The following TNPO2 variants were observed in gnomAD, a reference collection of about 807,000 sequenced individuals.
The protein encoded by TNPO2 is transportin-2.
A neutral mutation model predicts 111.1 loss-of-function variants in TNPO2; 16 were observed. That is an observed-to-expected ratio of 0.14 (90% CI 0.10 to 0.22). The LOEUF (loss-of-function observed/expected upper bound fraction) is 0.22, where lower values mean the gene tolerates loss of function less well. TNPO2 is among the 10% of genes least tolerant of loss of function. The pLI is 1.00. For missense variants in TNPO2, 530 were observed against 1,173.7 expected (o/e 0.45, Z 8.01); for synonymous variants, 481 against 475.8 (o/e 1.01, Z -0.14).
At chr19:12,711,677 G>T in intron 10 of TNPO2, 64 bp from the exon 11 acceptor site, 2 of 1,458,490 alleles carry the variant, frequency 1.4e-6, no homozygotes, top group Non-Finnish European at 9.5e-7. Flanking sequence ...GGGAGGCACA[G>T]CTTGGGGAGG....
intron 5 of TNPO2, 54 bp downstream of exon 5, chr19:12,718,975 G>A: frequency 6.2e-7 from 1 of 1,601,980 alleles, no homozygotes; most frequent in East Asian, 2.2e-5. Flanking sequence ...TTAACATGCT[G>A]AGAAGTGAGA....
At chr19:12,704,778 G>A (rs2025539220) in intron 18 of TNPO2, among the ~76,000 whole-genome samples, 1 of 151,900 alleles carries the variant, frequency 6.6e-6, no homozygotes, top group African/African-American at 2.4e-5. Flanking sequence ...TGCCTCCTGG[G>A]TTCAAGCAAT....
chr19:12,719,316 CTGAT>C lies in TNPO2; in HGVS notation c.116_119del (p.Asn39SerfsTer9), dbSNP rs1433778426. 1 of 1,613,812 alleles carries C rather than the reference CTGAT, an allele frequency of 6.2e-7. No individual in the cohort carries two copies. The highest frequency in any genetic ancestry group is 8.5e-7 in the Non-Finnish European group (1 of 1,179,856). ...TCAGGTAGTTGTTGAAGTCAGGAAA[CTGAT>C]TGAGTTGTTTGAGTTTCTGCCAGGC... On this transcript the variant is annotated frameshift_variant, in exon 4 of 26. Transcript: ENST00000425528. LOFTEE classifies it high-confidence loss of function. The surrounding 1 kb of genome is among the most constrained non-coding windows in gnomAD (Gnocchi z 5.0).
At position 12,712,672 on chromosome 19, in the gene TNPO2, G is replaced by C. The variant is rs7255961; in HGVS notation, c.891-1059C>G. Reference sequence around the variant, plus strand: ...CCTGTCCAGTGGACACGTGACCCATGTGACCTTACCTATCATTGGAGGTGA... The same window carrying C: ...CCTGTCCAGTGGACACGTGACCCATCTGACCTTACCTATCATTGGAGGTGA... On this transcript the variant is annotated intron_variant, in intron 10 of 25. Transcript: ENST00000425528. 7.2e-3 allele frequency among the ~76,000 whole-genome samples: 1,102 copies of C among 152,316 alleles called. 14 individuals carry two copies. The highest frequency in any genetic ancestry group is 0.025 in the African/African-American group (1,049 of 41,558).
chr19:12,708,372 T>G (rs2025826098), intron 13 of TNPO2, among the ~76,000 whole-genome samples: 1 of 151,620 alleles, frequency 6.6e-6, no homozygotes, highest in East Asian at 1.9e-4. Flanking sequence ...CATCAGGTGA[T>G]CCACCCGCCT....
At chr19:12,717,572 T>C (rs562875939) in intron 5 of TNPO2, among the ~76,000 whole-genome samples, 2 of 151,440 alleles carry the variant, frequency 1.3e-5, no homozygotes, top group South Asian at 4.2e-4. Flanking sequence ...GTGCTCAGCC[T>C]GGATCAGTAA....
rs764315328 is a variant in TNPO2 at position 12,711,500 on chromosome 19, C to T, written c.952-39G>A. 2.5e-6 allele frequency: 4 copies of T among 1,613,776 alleles called. No individual in the cohort carries two copies. The African/African-American group carries it at 4.0e-5, about 16-fold the overall frequency. Reference sequence around the variant, plus strand: ...AGACTGTTAAGTACTTTGGGGACCACAGCCGCGACACCCACGCCCATGCCC... The same window carrying T: ...AGACTGTTAAGTACTTTGGGGACCATAGCCGCGACACCCACGCCCATGCCC... On this transcript the variant is annotated intron_variant, in intron 11 of 25. Transcript: ENST00000425528.
chr19:12,710,795 G>A (rs1156433597), intron 12 of TNPO2, 22 bp from the exon 13 acceptor site: 7 of 1,595,404 alleles, frequency 4.4e-6, no homozygotes, highest in Non-Finnish European at 6.0e-6. Flanking sequence ...GGAACAATGG[G>A]GAGGCTCAGG....
rs561481906 is a variant in TNPO2, at chr19:12,723,814, C to A, written c.-176G>T. On this transcript the variant is annotated 5_prime_UTR_variant, in exon 1 of 26. Coordinates refer to ENST00000425528, the MANE Select transcript of TNPO2 (RefSeq NM_001382241.1). The stretch of plus-strand genomic sequence containing the variant: ...CCCGGCTCCGTTCATTCATGAAAAT[C>A]AAGTCCCGGGCCTCCAAGGTTAGGG... 2.4e-4 allele frequency: 37 copies of A among 152,342 alleles called. No homozygotes were observed. Among genetic ancestry groups the A allele is most frequent in the African/African-American group, 8.9e-4 (37 of 41,578 alleles). The allele number at this position is 152,342 out of a possible 1,614,324, so 9.4% of individuals were successfully genotyped here.
chr19:12,719,214 G>C lies in TNPO2; in HGVS notation c.176-36C>G, dbSNP rs1568339521. The C allele has an allele frequency of 6.2e-7, 1 of 1,613,872 alleles. No individual in the cohort carries two copies. Among genetic ancestry groups the C allele is most frequent in the Non-Finnish European group, 8.5e-7 (1 of 1,179,758 alleles). On this transcript the variant is annotated intron_variant, in intron 4 of 25. Coordinates refer to ENST00000425528, the MANE Select transcript of TNPO2 (RefSeq NM_001382241.1). This position sits in a 1 kb window ranked among gnomAD's most constrained non-coding sequence, Gnocchi z 5.0. ...GAAGGCTGAGGTTCAGGGGCCCAGG[G>C]GGAGAAAGCAGGGTCCCGATCGCAT...
Position 12,702,717 on chromosome 19 carries a change from C to G in TNPO2, c.2305+106G>C. 1 of 1,021,670 alleles carries G rather than the reference C, an allele frequency of 9.8e-7. No individual in the cohort carries two copies. Among genetic ancestry groups the G allele is most frequent in the Non-Finnish European group, 1.5e-6 (1 of 664,104 alleles). The allele number at this position is 1,021,670 out of a possible 1,614,324, so 63.3% of individuals were successfully genotyped here. On this transcript the variant is annotated intron_variant, in intron 21 of 25. Transcript: ENST00000425528. The surrounding 1 kb of genome is among the most constrained non-coding windows in gnomAD (Gnocchi z 5.5). Reference sequence around the variant, plus strand: ...ACCCCTTCCAGGTACTTCCAGACACCCTCCTTGGTTCCTTGACAAGGCTCT... The same window carrying G: ...ACCCCTTCCAGGTACTTCCAGACACGCTCCTTGGTTCCTTGACAAGGCTCT...
chr19:12,701,042 C>A lies in TNPO2; in HGVS notation c.*222G>T, dbSNP rs1196677819. On this transcript the variant is annotated 3_prime_UTR_variant, in exon 26 of 26. Coordinates refer to ENST00000425528, the MANE Select transcript of TNPO2 (RefSeq NM_001382241.1). The surrounding 1 kb of genome is among the most constrained non-coding windows in gnomAD (Gnocchi z 5.0). Reference sequence around the variant, plus strand: ...GCCCACCAGAAGTCCCCCCCACCTCCCCGTTTGTAGGATGAGCATGGTGGC... The same window carrying A: ...GCCCACCAGAAGTCCCCCCCACCTCACCGTTTGTAGGATGAGCATGGTGGC... 3 of 327,490 alleles carry A rather than the reference C, an allele frequency of 9.2e-6. No individual in the cohort carries two copies. In the Admixed American group the frequency reaches 1.3e-4, roughly 15 times the overall value. 20.3% of individuals were successfully genotyped at this position (327,490 alleles called of 1,614,324 possible).
chr19:12,706,822 G>T lies in TNPO2; in HGVS notation c.1271-27C>A, dbSNP rs773988699. 4.1e-5 allele frequency: 65 copies of T among 1,568,988 alleles called. No individual in the cohort carries two copies. Among genetic ancestry groups the T allele is most frequent in the Non-Finnish European group, 4.9e-5 (57 of 1,156,210 alleles). ...TACAAGGAAAGGGAACCAAGAGGGG[G>T]CAGTTTGATTGGGCCCAGCCACACC... On this transcript the variant is annotated intron_variant, in intron 13 of 25. Coordinates refer to ENST00000425528, the MANE Select transcript of TNPO2 (RefSeq NM_001382241.1). This position sits in a 1 kb window ranked among gnomAD's most constrained non-coding sequence, Gnocchi z 7.0.
In TNPO2 at chr19:12,705,408, G is replaced by C. The variant is rs1439342921; in HGVS notation, c.1864-10C>G. 5 of 1,579,614 alleles carry C rather than the reference G, an allele frequency of 3.2e-6. No homozygotes were observed. Among genetic ancestry groups the C allele is most frequent in the Non-Finnish European group, 4.3e-6 (5 of 1,163,068 alleles). On this transcript the variant is annotated splice_polypyrimidine_tract_variant and intron_variant, in intron 17 of 25. Coordinates refer to ENST00000425528, the MANE Select transcript of TNPO2 (RefSeq NM_001382241.1). The surrounding 1 kb of genome is among the most constrained non-coding windows in gnomAD (Gnocchi z 7.2). The stretch of plus-strand genomic sequence containing the variant: ...GGTGCTGGGTGTACATCTAGACACA[G>C]ATGCCGACAGGGGCACGGGTAAGTG...
intron 10 of TNPO2, among the ~76,000 whole-genome samples, chr19:12,711,950 C>G (rs567767836): frequency 1.3e-5 from 2 of 151,206 alleles, no homozygotes; most frequent in East Asian, 1.9e-4. Flanking sequence ...ACAGAGGACA[C>G]GAGCTGTTCC....
At chr19:12,716,680 G>T (rs1175832546) in intron 5 of TNPO2, among the ~76,000 whole-genome samples, 4 of 152,136 alleles carry the variant, frequency 2.6e-5, no homozygotes, top group Non-Finnish European at 5.9e-5. Context: ...AAGGACTAAG[G>T]GGGGAAATAC....
At chr19:12,714,453 C>T (rs1309787550) in intron 10 of TNPO2, among the ~76,000 whole-genome samples, 1 of 151,922 alleles carries the variant, frequency 6.6e-6, no homozygotes, top group Non-Finnish European at 1.5e-5. Context: ...GCTGGGACTA[C>T]AGGCGCCTGC....
rs547717542 is a variant in TNPO2, at chr19:12,706,829, G to C, written c.1271-34C>G. ...AAAGGGAACCAAGAGGGGGCAGTTT[G>C]ATTGGGCCCAGCCACACCCACCGTA... On this transcript the variant is annotated intron_variant, in intron 13 of 25. Coordinates refer to ENST00000425528, the MANE Select transcript of TNPO2 (RefSeq NM_001382241.1). The surrounding 1 kb of genome is among the most constrained non-coding windows in gnomAD (Gnocchi z 7.0). 181 of 1,549,800 alleles carry C rather than the reference G, an allele frequency of 1.2e-4. No homozygotes were observed. The East Asian group carries it at 1.6e-3, about 14-fold the overall frequency.
At chr19:12,711,249 G>T in intron 12 of TNPO2, 47 bp downstream of exon 12, 1 of 1,596,452 alleles carries the variant, frequency 6.3e-7, no homozygotes, top group Non-Finnish European at 8.5e-7. Context: ...CCAAGAGGGA[G>T]TCCAGGGCTT....
Sources: allele counts gnomAD v4.1 joint callset (sites outside exome capture counted in the v4.1 genomes callset), GRCh38; gene constraint gnomAD v4.1.1; non-coding constraint Gnocchi (gnomAD v3.1); transcripts MANE v1.5; gene names NCBI Gene and HGNC (gene_info 2026-07-23, HGNC 2026-07-21).